The following ABTB2 variants were observed in gnomAD, a reference collection of about 807,000 sequenced individuals.
ABTB2 encodes ankyrin repeat and BTB domain containing 2.
In ABTB2, 56 loss-of-function variants were observed where a neutral mutation model predicts 104.1. The ratio of observed to expected loss-of-function variants is 0.54; its 90% confidence interval spans 0.43 to 0.67. The LOEUF is 0.67. Ranked by LOEUF, ABTB2 falls within the 30% of genes least tolerant of loss-of-function variation. The pLI, the probability that ABTB2 is intolerant of heterozygous loss-of-function variation, is 0.00. For missense variants in ABTB2, 1,279 were observed against 1,407.7 expected, an observed-to-expected ratio of 0.91 and a Z score of 1.46; for synonymous variants, 606 against 608.2, an observed-to-expected ratio of 1.00 and a Z score of 0.05.
At chr11:34,330,173 G>T (rs909832356) in intron 1 of ABTB2, among the ~76,000 whole-genome samples, 1 of 152,150 alleles carries the variant, frequency 6.6e-6, no homozygotes, top group Non-Finnish European at 1.5e-5. Context: ...AAACCCTTCT[G>T]CACTTCATTT....
chr11:34,190,238 C>T (rs1207437338), intron 3 of ABTB2, among the ~76,000 whole-genome samples: 2 of 148,338 alleles, frequency 1.3e-5, no homozygotes, highest in Non-Finnish European at 3.0e-5. Flanking sequence ...TGACTCCATC[C>T]AGCCCCTGCC....
At chr11:34,294,416 A>T (rs1040043676) in intron 1 of ABTB2, among the ~76,000 whole-genome samples, 7 of 152,204 alleles carry the variant, frequency 4.6e-5, no homozygotes, top group Non-Finnish European at 8.8e-5. Context: ...ATGAAGAGTG[A>T]TTTCAAAGGA....
intron 5 of ABTB2, among the ~76,000 whole-genome samples, chr11:34,169,735 C>G (rs1270563212): frequency 6.6e-6 from 1 of 152,162 alleles, no homozygotes; most frequent in Non-Finnish European, 1.5e-5. Context: ...GGTCCTTCCC[C>G]AACCCCTGGC....
chr11:34,158,465 T>C (rs1348050105), intron 14 of ABTB2, among the ~76,000 whole-genome samples: 2 of 152,130 alleles, frequency 1.3e-5, no homozygotes, highest in African/African-American at 4.8e-5. Context: ...TCTGTGAGAC[T>C]CTGGGGTTTG....
chr11:34,324,852 T>C (rs1855049452), intron 1 of ABTB2, among the ~76,000 whole-genome samples: 1 of 152,220 alleles, frequency 6.6e-6, no homozygotes, highest in Admixed American at 6.5e-5. Context: ...GAGGCCTATG[T>C]CCCGGCAGGC....
At chr11:34,237,426 A>C (rs941102811) in intron 1 of ABTB2, among the ~76,000 whole-genome samples, 5 of 152,034 alleles carry the variant, frequency 3.3e-5, no homozygotes, top group Non-Finnish European at 7.4e-5. Context: ...TTCAGGCGTG[A>C]GCCACTGCGC....
chr11:34,206,672 T>G (rs1292627963), intron 1 of ABTB2, among the ~76,000 whole-genome samples: 1 of 152,234 alleles, frequency 6.6e-6, no homozygotes, highest in African/African-American at 2.4e-5. Flanking sequence ...ATGGACACCC[T>G]GTGCTGAACC....
chr11:34,255,668 C>A (rs1482430112), intron 1 of ABTB2, among the ~76,000 whole-genome samples: 1 of 152,100 alleles, frequency 6.6e-6, no homozygotes. Context: ...CAGGTACGTG[C>A]CACCACACTT....
intron 1 of ABTB2, among the ~76,000 whole-genome samples, chr11:34,333,051 C>T (rs540480346): frequency 1.3e-5 from 2 of 152,274 alleles, no homozygotes; most frequent in Non-Finnish European, 2.9e-5. Flanking sequence ...AAATATTTCT[C>T]GAATGATTTT....
chr11:34,337,171 G>A (rs1855201402), intron 1 of ABTB2, among the ~76,000 whole-genome samples: 1 of 152,234 alleles, frequency 6.6e-6, no homozygotes, highest in Non-Finnish European at 1.5e-5. Flanking sequence ...CTTGCACCTG[G>A]GTGGAAACTG....
At position 34,154,350 on chromosome 11, in the gene ABTB2, A is replaced by G. The variant is rs1175147919; in HGVS notation, c.2795T>C (p.Leu932Pro). The change falls in exon 16 of 17, where the codon CTG (leucine) becomes CCG (proline). Residue 932 changes from leucine (L) to proline (P), a missense_variant. By Grantham distance (98) the Leu-to-Pro change is moderately conservative (BLOSUM62 -3). Coordinates refer to ENST00000435224, the MANE Select transcript of ABTB2 (RefSeq NM_145804.3). The surrounding 1 kb of genome is among the most constrained non-coding windows in gnomAD (Gnocchi z 4.9). ...CTCGCAGTGCCTCTGCAGGGCATCCAGCTGGAACAGGCTGGCAGCTGACAG... is the reference window on the plus strand; with the variant it reads ...CTCGCAGTGCCTCTGCAGGGCATCCGGCTGGAACAGGCTGGCAGCTGACAG... ...ELLSAASLFQ[L>P]DALQRHCEIL... The G allele has an allele frequency of 1.2e-6, 2 of 1,613,732 alleles. No homozygotes were observed. Among genetic ancestry groups the G allele is most frequent in the Admixed American group, 1.7e-5 (1 of 59,994 alleles).
In ABTB2 at chr11:34,154,692, G is replaced by C. The variant is rs778839324; in HGVS notation, c.2766+9C>G. 6.2e-7 allele frequency: 1 copy of C among 1,613,896 alleles called. No homozygotes were observed. The highest frequency in any genetic ancestry group is 8.5e-7 in the Non-Finnish European group (1 of 1,179,840). On this transcript the variant is annotated intron_variant, in intron 15 of 16. Coordinates refer to ENST00000435224, the MANE Select transcript of ABTB2 (RefSeq NM_145804.3). The surrounding 1 kb of genome is among the most constrained non-coding windows in gnomAD (Gnocchi z 4.9). Reference sequence around the variant, plus strand: ...AGCCCAGGCCCCCTCCCCCTCTCCCGAGTCTCACCTCCAGGATGTCAGTGG... The same window carrying C: ...AGCCCAGGCCCCCTCCCCCTCTCCCCAGTCTCACCTCCAGGATGTCAGTGG...
intron 1 of ABTB2, among the ~76,000 whole-genome samples, chr11:34,319,364 AG>A (rs1854975106): frequency 6.6e-6 from 1 of 152,228 alleles, no homozygotes. Context: ...ATAAAGGGGC[AG>A]GTCCCACCAG....
intron 3 of ABTB2, among the ~76,000 whole-genome samples, chr11:34,181,237 AAAAC>A (rs148951380): frequency 0.41 from 61,885 of 150,840 alleles, 13,644 homozygotes; most frequent in East Asian, 0.87. Context: ...TGCAGCCTGG[AAAAC>A]AAACAAACAA....
At chr11:34,268,587 C>G (rs1256043998) in intron 1 of ABTB2, among the ~76,000 whole-genome samples, 1 of 152,218 alleles carries the variant, frequency 6.6e-6, no homozygotes, top group Admixed American at 6.5e-5. Flanking sequence ...TGGAATGCTG[C>G]ACCGGCAGGG....
At chr11:34,240,186 C>T (rs1388735859) in intron 1 of ABTB2, among the ~76,000 whole-genome samples, 1 of 152,218 alleles carries the variant, frequency 6.6e-6, no homozygotes, top group Non-Finnish European at 1.5e-5. Context: ...CCCCCCACTG[C>T]CCTCTTTAAA....
At chr11:34,176,558 G>A (rs1852963329) in intron 3 of ABTB2, among the ~76,000 whole-genome samples, 1 of 152,228 alleles carries the variant, frequency 6.6e-6, no homozygotes, top group African/African-American at 2.4e-5. Flanking sequence ...AGGAAGACAG[G>A]TTGAGCCCAA....
At chr11:34,324,101 G>A (rs889833603) in intron 1 of ABTB2, among the ~76,000 whole-genome samples, 3 of 151,768 alleles carry the variant, frequency 2.0e-5, no homozygotes, top group Non-Finnish European at 4.4e-5. Context: ...AGTAGAGACG[G>A]GGTTTCACCA....
intron 1 of ABTB2, among the ~76,000 whole-genome samples, chr11:34,323,476 G>A (rs1261005330): frequency 3.3e-5 from 5 of 152,110 alleles, no homozygotes; most frequent in Non-Finnish European, 7.3e-5. Context: ...AGTTCACTAT[G>A]CCTTAAGGCT....
Sources: gnomAD v4.1 joint callset for allele counts (sites outside exome capture counted in the v4.1 genomes callset) on GRCh38, gnomAD v4.1.1 for gene constraint, Gnocchi (gnomAD v3.1) non-coding constraint, MANE v1.5 for transcripts, NCBI Gene and HGNC (gene_info 2026-07-23, HGNC 2026-07-21) for gene names.